Variants in RECK observed in about 807,000 individuals in gnomAD.
RECK encodes the protein reversion-inducing cysteine-rich protein with Kazal motifs.
Under a neutral mutation model 115.1 loss-of-function variants are expected in RECK, and 69 were observed. That is an observed-to-expected ratio of 0.60 (90% CI 0.49 to 0.73). RECK has a LOEUF of 0.73. Among genes scored for constraint, RECK ranks in the 30% least tolerant of loss-of-function variants. The probability of loss-of-function intolerance (pLI) is 0.00; values close to 1 mark genes in which losing one functional copy is unlikely to be tolerated. For missense variants in RECK, 1,047 were observed against 1,203.7 expected, an observed-to-expected ratio of 0.87 and a Z score of 1.93; for synonymous variants, 414 against 419.7, an observed-to-expected ratio of 0.99 and a Z score of 0.17.
At chr9:36,057,925 G>A (rs1821596259) in intron 2 of RECK, among the ~76,000 whole-genome samples, 1 of 152,018 alleles carries the variant, frequency 6.6e-6, no homozygotes, top group Admixed American at 6.5e-5. Flanking sequence ...CTGGCCATCA[G>A]AGAAATGCAA....
intron 1 of RECK, among the ~76,000 whole-genome samples, chr9:36,043,191 A>ATTTTTTTT (rs761649232): frequency 1.3e-4 from 7 of 53,990 alleles, no homozygotes; most frequent in African/African-American, 5.7e-4. Flanking sequence ...CGCCTGGCTA[A>ATTTTTTTT]TTTTTTTTTT....
In RECK at chr9:36,094,254, T is replaced by A. The variant is rs1160569501; in HGVS notation, c.1085+2911T>A. Among the ~76,000 whole-genome samples, 2 of 152,032 alleles carry A rather than the reference T, an allele frequency of 1.3e-5. No homozygotes were observed. The highest frequency in any genetic ancestry group is 2.9e-5 in the Non-Finnish European group (2 of 67,954). Reference sequence around the variant, plus strand: ...CAAAAGTAATTGGTTAAAGCAAAAATAATAACAATGTATTGTGGAATTTAT... The same window carrying A: ...CAAAAGTAATTGGTTAAAGCAAAAAAAATAACAATGTATTGTGGAATTTAT... On this transcript the variant is annotated intron_variant, in intron 10 of 20. Transcript: ENST00000377966. This position sits in a 1 kb window ranked among gnomAD's most constrained non-coding sequence, Gnocchi z 4.1.
At chr9:36,066,807 C>T (rs1177661795) in intron 6 of RECK, 4 of 1,288,856 alleles carry the variant, frequency 3.1e-6, no homozygotes, top group African/African-American at 1.5e-5. Context: ...CTTCTCTTGT[C>T]TGGATTTCTG....
intron 6 of RECK, among the ~76,000 whole-genome samples, chr9:36,074,514 C>G (rs1471587069): frequency 6.6e-6 from 1 of 152,172 alleles, no homozygotes; most frequent in East Asian, 1.9e-4. Flanking sequence ...GGAAAAAACC[C>G]TGCCTAGGGA....
At chr9:36,118,020 C>T (rs1209312861) in intron 17 of RECK, among the ~76,000 whole-genome samples, 1 of 152,132 alleles carries the variant, frequency 6.6e-6, no homozygotes, top group African/African-American at 2.4e-5. Context: ...TTTGAGGCTT[C>T]TCACATGCAC....
intron 2 of RECK, among the ~76,000 whole-genome samples, chr9:36,057,857 C>G (rs888998208): frequency 6.6e-6 from 1 of 152,044 alleles, no homozygotes; most frequent in South Asian, 2.1e-4. Flanking sequence ...TGAACAGACA[C>G]TTCTCAAAAG....
rs1282499499 is a variant in RECK, at chr9:36,105,142, G to A, written c.1436-1G>A. The A allele has an allele frequency of 1.2e-6, 2 of 1,612,480 alleles. No homozygotes were observed. Among genetic ancestry groups the A allele is most frequent in the Non-Finnish European group, 1.7e-6 (2 of 1,179,488 alleles). On this transcript the variant is annotated splice_acceptor_variant, in intron 12 of 20. Coordinates refer to ENST00000377966, the MANE Select transcript of RECK (RefSeq NM_021111.3). LOFTEE classifies it high-confidence loss of function. ...AAACTAATCTGTTTTGGTTTTTTCA[G>A]GGCCAAGTACTTTAGGTAACATTGT...
chr9:36,080,761 A>AT, intron 7 of RECK, 123 bp downstream of exon 7: 1 of 799,480 alleles, frequency 1.3e-6, no homozygotes, highest in Admixed American at 2.6e-5. Flanking sequence ...TTCATGTATT[A>AT]TAACAATTCC....
At chr9:36,076,024 C>T (rs1418946708) in intron 6 of RECK, among the ~76,000 whole-genome samples, 2 of 152,054 alleles carry the variant, frequency 1.3e-5, no homozygotes, top group Non-Finnish European at 2.9e-5. Flanking sequence ...AGGATTGAAA[C>T]AAGTGGACAA....
intron 8 of RECK, among the ~76,000 whole-genome samples, chr9:36,087,318 A>T (rs1034319728): frequency 1.3e-5 from 2 of 152,258 alleles, no homozygotes; most frequent in African/African-American, 2.4e-5. Context: ...GCCATAAAAA[A>T]GGATGAGTTC....
At chr9:36,042,873 G>A (rs934384190) in intron 1 of RECK, among the ~76,000 whole-genome samples, 93 of 151,914 alleles carry the variant, frequency 6.1e-4, no homozygotes, top group African/African-American at 2.2e-3. Flanking sequence ...GGCTATTCTT[G>A]CATGAGTAAG....
intron 1 of RECK, among the ~76,000 whole-genome samples, chr9:36,037,355 C>G (rs1374897840): frequency 1.3e-5 from 2 of 151,938 alleles, no homozygotes; most frequent in Admixed American, 6.5e-5. Context: ...ACACGGGCCC[C>G]CTCTTCGGCA....
chr9:36,105,747 G>C (rs1823777453), intron 13 of RECK, among the ~76,000 whole-genome samples: 1 of 152,154 alleles, frequency 6.6e-6, no homozygotes, highest in South Asian at 2.1e-4. Context: ...TCTCCATAAA[G>C]ATTAATGTTA....
rs1448212832 is a variant in RECK, at chr9:36,094,498, A to G, written c.1085+3155A>G. ...GCTAAGAAGCTAATAGGAAATATAA[A>G]ATGGAAAACTAAAATAATACTTGAT... On this transcript the variant is annotated intron_variant, in intron 10 of 20. Coordinates refer to ENST00000377966, the MANE Select transcript of RECK (RefSeq NM_021111.3). The surrounding 1 kb of genome is among the most constrained non-coding windows in gnomAD (Gnocchi z 4.1). Among the ~76,000 whole-genome samples the G allele has an allele frequency of 6.6e-6, 1 of 152,162 alleles. No homozygotes were observed. Among genetic ancestry groups the G allele is most frequent in the Non-Finnish European group, 1.5e-5 (1 of 68,012 alleles).
chr9:36,048,126 A>AATATATATTTATATATATATAT (rs1821140441), intron 1 of RECK, among the ~76,000 whole-genome samples: 1 of 115,406 alleles, frequency 8.7e-6, no homozygotes, highest in African/African-American at 4.3e-5. Context: ...ACACAGGTTG[A>AATATATATTTATATATATATAT]ATATATATAT....
At chr9:36,038,002 T>TAAAAA (rs370999682) in intron 1 of RECK, among the ~76,000 whole-genome samples, 2 of 112,506 alleles carry the variant, frequency 1.8e-5, no homozygotes. Flanking sequence ...AGAGACACCT[T>TAAAAA]AAAAAAAAAA....
At chr9:36,060,685 A>G (rs1042693174) in intron 4 of RECK, among the ~76,000 whole-genome samples, 3 of 151,862 alleles carry the variant, frequency 2.0e-5, no homozygotes, top group East Asian at 3.9e-4. Context: ...CGTAAGGACT[A>G]TGGTTATTTC....
At chr9:36,057,947 A>G (rs1293121804) in intron 2 of RECK, among the ~76,000 whole-genome samples, 1 of 151,976 alleles carries the variant, frequency 6.6e-6, no homozygotes, top group Non-Finnish European at 1.5e-5. Context: ...TCAAAACCAC[A>G]ATGAGATACC....
At chr9:36,043,191 A>ATTTT (rs761649232) in intron 1 of RECK, among the ~76,000 whole-genome samples, 2,490 of 53,778 alleles carry the variant, frequency 0.046, 204 homozygotes, top group East Asian at 0.087. Context: ...CGCCTGGCTA[A>ATTTT]TTTTTTTTTT....
Sources: allele counts gnomAD v4.1 joint callset (sites outside exome capture counted in the v4.1 genomes callset), GRCh38; gene constraint gnomAD v4.1.1; non-coding constraint Gnocchi (gnomAD v3.1); transcripts MANE v1.5; gene names NCBI Gene and HGNC (gene_info 2026-07-23, HGNC 2026-07-21).